The following PDGFD variants were observed in gnomAD, a reference collection of about 807,000 sequenced individuals.
PDGFD encodes the protein platelet-derived growth factor D.
In PDGFD, 30 loss-of-function variants were observed where a neutral mutation model predicts 44.7. That is an observed-to-expected ratio of 0.67 (90% CI 0.50 to 0.91). The LOEUF (loss-of-function observed/expected upper bound fraction) is 0.91, where lower values mean the gene tolerates loss of function less well. Among genes scored for constraint, PDGFD ranks in the 40% least tolerant of loss-of-function variants. PDGFD has a pLI of 0.00. For missense variants in PDGFD, 445 were observed against 457.8 expected, an observed-to-expected ratio of 0.97 and a Z score of 0.25; for synonymous variants, 173 against 168.4, an observed-to-expected ratio of 1.03 and a Z score of -0.21.
At chr11:104,119,897 T>C (rs1335972827) in intron 1 of PDGFD, among the ~76,000 whole-genome samples, 5 of 131,844 alleles carry the variant, frequency 3.8e-5, no homozygotes, top group African/African-American at 1.1e-4. Context: ...TACATAATTA[T>C]ATAATATATA....
intron 5 of PDGFD, among the ~76,000 whole-genome samples, chr11:103,928,053 T>A (rs1398920738): frequency 6.6e-6 from 1 of 152,250 alleles, no homozygotes; most frequent in East Asian, 1.9e-4. Flanking sequence ...TAAATGATTA[T>A]CAAGGGATAT....
At chr11:103,954,887 G>C (rs952958959) in intron 3 of PDGFD, among the ~76,000 whole-genome samples, 1 of 152,044 alleles carries the variant, frequency 6.6e-6, no homozygotes, top group Non-Finnish European at 1.5e-5. Context: ...TAATGAGGCC[G>C]GGCGCGGTGG....
chr11:104,147,783 G>A (rs1362216516), intron 1 of PDGFD, among the ~76,000 whole-genome samples: 3 of 152,094 alleles, frequency 2.0e-5, no homozygotes, highest in Non-Finnish European at 4.4e-5. Flanking sequence ...ATACAGACCT[G>A]ATACAAAATC....
At chr11:104,003,635 AG>A (rs1224130224) in intron 1 of PDGFD, among the ~76,000 whole-genome samples, 2 of 152,262 alleles carry the variant, frequency 1.3e-5, no homozygotes, top group Non-Finnish European at 2.9e-5. Flanking sequence ...GGATGCTGCC[AG>A]GGGAAACATT....
chr11:104,116,604 T>C (rs1240144711), intron 1 of PDGFD, among the ~76,000 whole-genome samples: 3 of 151,936 alleles, frequency 2.0e-5, no homozygotes, highest in Non-Finnish European at 4.4e-5. Flanking sequence ...CAGACCAATA[T>C]CCCTGATGAA....
intron 1 of PDGFD, among the ~76,000 whole-genome samples, chr11:104,158,569 A>T (rs1459047383): frequency 6.6e-6 from 1 of 152,260 alleles, no homozygotes; most frequent in African/African-American, 2.4e-5. Context: ...GCACTGGCTT[A>T]CGCCTGTAAT....
At chr11:103,996,286 T>C in intron 2 of PDGFD, 41 bp from the exon 3 acceptor site, 7 of 1,521,020 alleles carry the variant, frequency 4.6e-6, no homozygotes, top group Non-Finnish European at 6.3e-6. Context: ...TTGATTAAAG[T>C]AGATTTTGAA....
intron 3 of PDGFD, among the ~76,000 whole-genome samples, chr11:103,977,428 A>T (rs1396227540): frequency 6.6e-6 from 1 of 152,164 alleles, no homozygotes; most frequent in Non-Finnish European, 1.5e-5. Context: ...ATGAACATCG[A>T]TGCAAAAATC....
intron 3 of PDGFD, among the ~76,000 whole-genome samples, chr11:103,985,345 G>C (rs1044931735): frequency 1.3e-5 from 2 of 150,746 alleles, no homozygotes; most frequent in Non-Finnish European, 2.9e-5. Context: ...GACTACAGGC[G>C]TGCACCACCA....
intron 1 of PDGFD, among the ~76,000 whole-genome samples, chr11:104,106,103 AT>A (rs1223818463): frequency 6.6e-6 from 1 of 152,176 alleles, no homozygotes; most frequent in African/African-American, 2.4e-5. Flanking sequence ...AGAAACTTAT[AT>A]TTCTGAACTG....
At chr11:103,914,423 C>T (rs1423120939) in intron 6 of PDGFD, among the ~76,000 whole-genome samples, 2 of 152,122 alleles carry the variant, frequency 1.3e-5, no homozygotes, top group African/African-American at 4.8e-5. Flanking sequence ...CCTGAATATA[C>T]CAGTAACAAG....
chr11:104,139,920 C>T (rs1425788995), intron 1 of PDGFD, among the ~76,000 whole-genome samples: 1 of 70,552 alleles, frequency 1.4e-5, no homozygotes. Context: ...ATTAGCCGGG[C>T]GCGGTGGCGG....
At chr11:104,006,754 C>A (rs192332291) in intron 1 of PDGFD, among the ~76,000 whole-genome samples, 1 of 152,312 alleles carries the variant, frequency 6.6e-6, no homozygotes, top group East Asian at 1.9e-4. Context: ...AGGAGACCTG[C>A]TGCTGGACAG....
intron 5 of PDGFD, among the ~76,000 whole-genome samples, chr11:103,935,795 T>C (rs969026704): frequency 6.6e-6 from 1 of 152,176 alleles, no homozygotes; most frequent in Non-Finnish European, 1.5e-5. Context: ...TTTCATTACC[T>C]AATCCTAACA....
intron 1 of PDGFD, chr11:104,036,808 G>A: frequency 4.4e-6 from 7 of 1,606,014 alleles, no homozygotes; most frequent in Non-Finnish European, 6.0e-6. Flanking sequence ...AGCCCGGCCC[G>A]CCCGGGCCCC....
At chr11:104,145,752 AC>A (rs1384556789) in intron 1 of PDGFD, among the ~76,000 whole-genome samples, 1 of 152,072 alleles carries the variant, frequency 6.6e-6, no homozygotes, top group Non-Finnish European at 1.5e-5. Context: ...TGAAGTCCTG[AC>A]CCCCGAGTGT....
At chr11:103,992,381 G>A (rs1257422011) in intron 3 of PDGFD, among the ~76,000 whole-genome samples, 1 of 152,060 alleles carries the variant, frequency 6.6e-6, no homozygotes, top group Non-Finnish European at 1.5e-5. Flanking sequence ...AATTTGTGAT[G>A]GTAAAAGGTA....
chr11:104,128,200 T>C (rs1024972482), intron 1 of PDGFD, among the ~76,000 whole-genome samples: 1 of 139,064 alleles, frequency 7.2e-6, no homozygotes, highest in African/African-American at 2.7e-5. Context: ...TAAAGGGACA[T>C]TACCTGTGCC....
chr11:104,000,413 C>T (rs560269796), intron 1 of PDGFD, among the ~76,000 whole-genome samples, 158 bp from the exon 2 acceptor site: 1 of 152,318 alleles, frequency 6.6e-6, no homozygotes, highest in East Asian at 1.9e-4. Flanking sequence ...TTTTTTCTCA[C>T]ACTGATGGCG....
Sources: allele counts gnomAD v4.1 joint callset (sites outside exome capture counted in the v4.1 genomes callset), GRCh38; gene constraint gnomAD v4.1.1; transcripts MANE v1.5; gene names NCBI Gene and HGNC (gene_info 2026-07-23, HGNC 2026-07-21).